SCN7A: variants seen among roughly 807,000 people sequenced by gnomAD.
The protein encoded by SCN7A is sodium channel protein type 7 subunit alpha.
A neutral mutation model predicts 155.2 loss-of-function variants in SCN7A; 138 were observed. That is an observed-to-expected ratio of 0.89 (90% CI 0.77 to 1.02). SCN7A has a LOEUF of 1.02. Ranked by LOEUF, SCN7A falls within the 50% of genes least tolerant of loss-of-function variation. The pLI, the probability that SCN7A is intolerant of heterozygous loss-of-function variation, is 0.00. For synonymous variants in SCN7A, 693 were observed against 649.0 expected, an observed-to-expected ratio of 1.07 and a Z score of -1.03; for missense variants, 2,058 against 1,986.6, an observed-to-expected ratio of 1.04 and a Z score of -0.68.
chr2:166,410,248 T>A lies in SCN7A; in HGVS notation c.3683A>T (p.Asp1228Val). The A allele has an allele frequency of 6.4e-7, 1 of 1,555,268 alleles. No homozygotes were observed. Among genetic ancestry groups the A allele is most frequent in the African/African-American group, 1.4e-5 (1 of 73,444 alleles). Residue 1228 changes from aspartate to valine, a missense_variant, in exon 24 of 26, where the codon GAT becomes GTT. Asp to Val is a radical substitution (Grantham distance 152). Coordinates refer to ENST00000643258, the MANE Select transcript of SCN7A (RefSeq NM_002976.4). ...TGGGCGAGGTACTGGTCTTTGAGAA[T>A]CCTCATACATTAGCTTCTTCAGCCT... is the stretch of plus-strand genomic sequence containing the variant. ...YRRLKKLMYE[D>V]SQRPVPRPLN...
In SCN7A at chr2:166,440,678, A is replaced by G. The variant is rs550620554; in HGVS notation, c.2157+718T>C. ...AATACAAACATTTATATTTAACTAA[A>G]TATATATTTAACTAAATACAAATAA... On this transcript the variant is annotated intron_variant, in intron 15 of 25. Coordinates refer to ENST00000643258, the MANE Select transcript of SCN7A (RefSeq NM_002976.4). 2.2e-4 allele frequency: 34 copies of G among 152,248 alleles called. 1 individual carries two copies. In the South Asian group the frequency reaches 7.1e-3, roughly 32 times the overall value. The allele number at this position is 152,248 out of a possible 1,614,324, so 9.4% of individuals were successfully genotyped here.
chr2:166,487,384 G>A (rs1246273142), intron 1 of SCN7A, among the ~76,000 whole-genome samples: 1 of 152,068 alleles, frequency 6.6e-6, no homozygotes, highest in African/African-American at 2.4e-5. Context: ...AGGAATGCCA[G>A]AAGTCAGTAT....
At chr2:166,449,319 G>C (rs760791391) in intron 11 of SCN7A, among the ~76,000 whole-genome samples, 39 of 152,080 alleles carry the variant, frequency 2.6e-4, no homozygotes, top group Admixed American at 5.2e-4. Context: ...TGAGGTAAAG[G>C]CTGCTCTTGA....
intron 23 of SCN7A, among the ~76,000 whole-genome samples, chr2:166,412,247 A>G (rs1009120330): frequency 1.3e-5 from 2 of 152,090 alleles, no homozygotes; most frequent in Admixed American, 1.3e-4. Flanking sequence ...TACTTACAGT[A>G]TTTATTTTTC....
intron 2 of SCN7A, among the ~76,000 whole-genome samples, chr2:166,478,035 AT>A (rs1702840811): frequency 6.6e-6 from 1 of 151,782 alleles, no homozygotes; most frequent in Non-Finnish European, 1.5e-5. Flanking sequence ...TTCTGGCCAA[AT>A]CCAATTATTT....
chr2:166,458,710 T>C (rs1702339563), intron 10 of SCN7A, among the ~76,000 whole-genome samples: 1 of 152,160 alleles, frequency 6.6e-6, no homozygotes, highest in South Asian at 2.1e-4. Context: ...CCTACAGTAT[T>C]CAGTATAATT....
At chr2:166,420,902 T>C (rs1313926262) in intron 20 of SCN7A, among the ~76,000 whole-genome samples, 3 of 152,008 alleles carry the variant, frequency 2.0e-5, no homozygotes, top group Non-Finnish European at 2.9e-5. Context: ...TTTGGTAATA[T>C]GCATATGTAT....
chr2:166,485,568 T>C (rs112876551), intron 2 of SCN7A, among the ~76,000 whole-genome samples: 12 of 152,286 alleles, frequency 7.9e-5, no homozygotes, highest in African/African-American at 2.4e-4. Flanking sequence ...GAGGGTCTCC[T>C]GCCTCACTGA....
intron 6 of SCN7A, 50 bp downstream of exon 6, chr2:166,472,267 C>A: frequency 1.3e-6 from 2 of 1,512,830 alleles, no homozygotes; most frequent in South Asian, 2.6e-5. Context: ...TTATGAAAAA[C>A]ATTTTCTGAG....
In SCN7A at chr2:166,465,455, C is replaced by T; in HGVS notation, c.941+7G>A. On this transcript the variant is annotated splice_region_variant and intron_variant, in intron 9 of 25. Coordinates refer to ENST00000643258, the MANE Select transcript of SCN7A (RefSeq NM_002976.4). ...TGATTTAATAGAATAAAACTAATAC[C>T]ACCTACCCAGCATCTGTCCTGTTGC... 3 of 1,594,910 alleles carry T rather than the reference C, an allele frequency of 1.9e-6. No homozygotes were observed. Among genetic ancestry groups the T allele is most frequent in the Non-Finnish European group, 2.6e-6 (3 of 1,164,868 alleles).
At chr2:166,425,554 C>T (rs1701604450) in intron 18 of SCN7A, among the ~76,000 whole-genome samples, 1 of 152,004 alleles carries the variant, frequency 6.6e-6, no homozygotes, top group Non-Finnish European at 1.5e-5. Context: ...AAGGCTAGTT[C>T]CTTTTGGTGG....
At chr2:166,433,369 A>T (rs892165792) in intron 15 of SCN7A, among the ~76,000 whole-genome samples, 6 of 152,136 alleles carry the variant, frequency 3.9e-5, no homozygotes, top group African/African-American at 9.7e-5. Flanking sequence ...CTGACCTGAG[A>T]TTTGAAAATG....
chr2:166,445,347 A>C (rs551786952), intron 12 of SCN7A, among the ~76,000 whole-genome samples: 3 of 143,406 alleles, frequency 2.1e-5, no homozygotes, highest in South Asian at 5.1e-4. Flanking sequence ...GGAAGGAAGG[A>C]AGGAAAGAAG....
At chr2:166,473,592 A>G (rs1306968189) in intron 5 of SCN7A, among the ~76,000 whole-genome samples, 1 of 151,450 alleles carries the variant, frequency 6.6e-6, no homozygotes, top group African/African-American at 2.4e-5. Context: ...AAGTTACCTG[A>G]GTTAGAAGCA....
chr2:166,408,231 T>C (rs1559084047), intron 25 of SCN7A, among the ~76,000 whole-genome samples: 1 of 152,046 alleles, frequency 6.6e-6, no homozygotes. Flanking sequence ...CATTCAGCTA[T>C]ATCATTTCCT....
intron 2 of SCN7A, among the ~76,000 whole-genome samples, chr2:166,482,801 G>A (rs1294835612): frequency 6.6e-6 from 1 of 151,634 alleles, no homozygotes; most frequent in Non-Finnish European, 1.5e-5. Flanking sequence ...AAATAGAAGT[G>A]GCATGCATCT....
Position 166,465,519 on chromosome 2 carries a change from A to G in SCN7A, c.884T>C (p.Phe295Ser), listed in dbSNP as rs372761140. The change falls in exon 9 of 26, where the codon TTT becomes TCT. Residue 295 changes from phenylalanine to serine, a missense_variant. Phe to Ser is a radical substitution (Grantham distance 155). Coordinates refer to ENST00000643258, the MANE Select transcript of SCN7A (RefSeq NM_002976.4). Reference sequence around the variant, plus strand: ...ATATCTTTCTCCTTCCAAATAATAAAAGTTTTCTGTTTCTGAAAAACAGGC... The same window carrying G: ...ATATCTTTCTCCTTCCAAATAATAAGAGTTTTCTGTTTCTGAAAAACAGGC... ...NPYYIRETEN[F>S]YYLEGERYAL... 3 of 1,601,254 alleles carry G rather than the reference A, an allele frequency of 1.9e-6. No individual in the cohort carries two copies. Among genetic ancestry groups the G allele is most frequent in the Non-Finnish European group, 2.6e-6 (3 of 1,172,840 alleles).
rs1358467251 is a variant in SCN7A, at chr2:166,447,672, G to A, written c.1327C>T (p.Pro443Ser). ...TCCAATGATGTGTCTGTGGAAATTGGTGACCTTTTCTTCATTTCTATTTGT... is the reference window on the plus strand; with the variant it reads ...TCCAATGATGTGTCTGTGGAAATTGATGACCTTTTCTTCATTTCTATTTGT... ...TIQIEMKKRS[P>S]ISTDTSLDVL... Residue 443 changes from proline (P) to serine (S), a missense_variant, in exon 12 of 26, where the codon CCA (proline) becomes TCA (serine). Pro to Ser is a moderately conservative substitution (Grantham distance 74). Coordinates refer to ENST00000643258, the MANE Select transcript of SCN7A (RefSeq NM_002976.4). 6.2e-7 allele frequency: 1 copy of A among 1,613,052 alleles called. No individual in the cohort carries two copies. Among genetic ancestry groups the A allele is most frequent in the African/African-American group, 1.3e-5 (1 of 74,878 alleles).
chr2:166,405,721 A>G lies in SCN7A; in HGVS notation c.4908T>C (p.Tyr1636=). 1.2e-6 allele frequency: 2 copies of G among 1,613,066 alleles called. No homozygotes were observed. Among genetic ancestry groups the G allele is most frequent in the Non-Finnish European group, 1.7e-6 (2 of 1,179,328 alleles). ...AVSATIIQRA[Y]KNYRLRRNDK... is the part of the protein sequence containing the mutation. Reference sequence around the variant, plus strand: ...CATTTCGCCTCAAGCGGTAATTTTTATAAGCACGTTGAATGATGGTTGCTG... The same window carrying G: ...CATTTCGCCTCAAGCGGTAATTTTTGTAAGCACGTTGAATGATGGTTGCTG... The change falls in exon 26 of 26, where the codon TAT becomes TAC. Residue 1636 remains tyrosine, a synonymous_variant. Coordinates refer to ENST00000643258, the MANE Select transcript of SCN7A (RefSeq NM_002976.4).
Sources: gnomAD v4.1 joint callset for allele counts (sites outside exome capture counted in the v4.1 genomes callset) on GRCh38, gnomAD v4.1.1 for gene constraint, MANE v1.5 for transcripts, NCBI Gene and HGNC (gene_info 2026-07-23, HGNC 2026-07-21) for gene names.